RAB6B: variants seen among roughly 807,000 people sequenced by gnomAD.
RAB6B encodes RAB6B, member RAS oncogene family.
RAB6B carries 7 observed loss-of-function variants against 31.2 expected under a neutral mutation model. The ratio of observed to expected loss-of-function variants is 0.22; its 90% CI spans 0.13 to 0.42. RAB6B has a LOEUF of 0.42. Among genes scored for constraint, RAB6B ranks in the 10% least tolerant of loss-of-function variants. The pLI, the probability that RAB6B is intolerant of heterozygous loss-of-function variation, is 1.00. For missense variants in RAB6B, 149 were observed against 280.6 expected, an observed-to-expected ratio of 0.53 and a Z score of 3.35; for synonymous variants, 105 against 104.9, an observed-to-expected ratio of 1.00 and a Z score of -0.01.
Position 133,824,796 on chromosome 3 carries a change from T to A in RAB6B, c.*3992A>T, listed in dbSNP as rs967718405. On this transcript the variant is annotated 3_prime_UTR_variant, in exon 8 of 8. Coordinates refer to ENST00000285208, the MANE Select transcript of RAB6B (RefSeq NM_016577.4). ...TCCTAACCAAAAAGAGTAGAGATGG[T>A]CTGAGGAACACACCCACACACAGCA... 6.6e-6 allele frequency: 1 copy of A among 152,030 alleles called. No individual in the cohort carries two copies. Among genetic ancestry groups the A allele is most frequent in the African/African-American group, 2.4e-5 (1 of 41,382 alleles). 9.4% of individuals were successfully genotyped at this position (152,030 alleles called of 1,614,324 possible).
intron 2 of RAB6B, among the ~76,000 whole-genome samples, chr3:133,845,297 G>A (rs1184212630): frequency 6.6e-6 from 1 of 152,228 alleles, no homozygotes; most frequent in East Asian, 1.9e-4. Flanking sequence ...AAGTCATGAG[G>A]ACTCTGACCT....
chr3:133,893,209 G>A (rs1016076312), intron 1 of RAB6B, among the ~76,000 whole-genome samples: 2 of 152,202 alleles, frequency 1.3e-5, no homozygotes, highest in South Asian at 2.1e-4. Context: ...CTCTTGGGGA[G>A]GCTCCCCAGT....
intron 5 of RAB6B, 85 bp from the exon 6 acceptor site, chr3:133,838,344 G>A: frequency 7.9e-7 from 1 of 1,260,264 alleles, no homozygotes; most frequent in Non-Finnish European, 1.2e-6. Context: ...CAGCAGGGCA[G>A]AGGGAGCCCA....
chr3:133,864,686 G>C (rs748824734), intron 1 of RAB6B, 44 bp from the exon 2 acceptor site: 1 of 1,555,898 alleles, frequency 6.4e-7, no homozygotes, highest in Admixed American at 1.7e-5. Flanking sequence ...TGGCATCTGA[G>C]CTAGGCTCTT....
chr3:133,834,671 C>T, intron 6 of RAB6B, 30 bp from the exon 7 acceptor site: 1 of 1,607,214 alleles, frequency 6.2e-7, no homozygotes, highest in Non-Finnish European at 8.5e-7. Flanking sequence ...CAGTGTGAAC[C>T]CCAACCCTGG....
chr3:133,829,251 A>G (rs542687937), intron 7 of RAB6B, among the ~76,000 whole-genome samples: 147 of 152,306 alleles, frequency 9.7e-4, no homozygotes, highest in Non-Finnish European at 1.9e-3. Flanking sequence ...TTCACATCTC[A>G]AAGCACAGGG....
rs748174713 is a variant in RAB6B at position 133,828,763 on chromosome 3, T to C, written c.*25A>G. 3.8e-6 allele frequency: 6 copies of C among 1,587,008 alleles called. No homozygotes were observed. The highest frequency in any genetic ancestry group is 3.3e-5 in the South Asian group (3 of 90,452). On this transcript the variant is annotated 3_prime_UTR_variant, in exon 8 of 8. Coordinates refer to ENST00000285208, the MANE Select transcript of RAB6B (RefSeq NM_016577.4). The stretch of plus-strand genomic sequence containing the variant: ...GCAACACAACAAGCAAGGAGTGTCA[T>C]GGGAAGCCACAGGTCGGCTCTGCAT...
intron 5 of RAB6B, 23 bp downstream of exon 5, chr3:133,839,483 C>T (rs1279589896): frequency 1.9e-6 from 3 of 1,571,628 alleles, no homozygotes; most frequent in Non-Finnish European, 2.6e-6. Flanking sequence ...TGGCACCCTG[C>T]ACCTGTGTGC....
At chr3:133,888,116 C>T (rs139564142) in intron 1 of RAB6B, among the ~76,000 whole-genome samples, 12 of 152,352 alleles carry the variant, frequency 7.9e-5, no homozygotes, top group African/African-American at 2.9e-4. Flanking sequence ...CTGTCTCCTC[C>T]GCTCCAGTCC....
rs1383352580 is a variant in RAB6B at position 133,895,723 on chromosome 3, G to A, written c.-257C>T. On this transcript the variant is annotated 5_prime_UTR_variant, in exon 1 of 8. Transcript: ENST00000285208. ...GGCTGCTGCGGTCGGCACTGGCTGCGGTGCGAGGGGCGCGCTCTTTACGCC... is the reference window on the plus strand; with the variant it reads ...GGCTGCTGCGGTCGGCACTGGCTGCAGTGCGAGGGGCGCGCTCTTTACGCC... 4.0e-6 allele frequency: 2 copies of A among 497,426 alleles called. No individual in the cohort carries two copies. Among genetic ancestry groups the A allele is most frequent in the Non-Finnish European group, 3.5e-6 (1 of 285,864 alleles). 30.8% of individuals were successfully genotyped at this position (497,426 alleles called of 1,614,324 possible). A position where few individuals can be genotyped will look rare whatever the true frequency, so the allele number is the denominator to read the frequency against.
chr3:133,864,547 G>A, intron 2 of RAB6B, 37 bp downstream of exon 2: 1 of 1,598,862 alleles, frequency 6.3e-7, no homozygotes, highest in Non-Finnish European at 8.6e-7. Context: ...GTCAGCCACT[G>A]CCAGATGATA....
In RAB6B at chr3:133,841,658, G is replaced by A. The variant is rs1935832764; in HGVS notation, c.135C>T (p.Thr45=). 1.2e-6 allele frequency: 2 copies of A among 1,613,990 alleles called. No homozygotes were observed. Among genetic ancestry groups the A allele is most frequent in the East Asian group, 2.2e-5 (1 of 44,876 alleles). ...YDSFDNTYQA[T]IGIDFLSKTM... is the part of the protein sequence containing the mutation. The stretch of plus-strand genomic sequence containing the variant: ...TTTTTGACAAGAAGTCAATCCCAAT[G>A]GTTGCCTGTTAGAGAAAAGCACAGA... The change falls in exon 3 of 8, where the codon ACC becomes ACT. Residue 45 remains threonine (T), a synonymous_variant. Transcript: ENST00000285208.
At position 133,827,155 on chromosome 3, in the gene RAB6B, C is replaced by G. The variant is rs146832363; in HGVS notation, c.*1633G>C. The G allele has an allele frequency of 1.1e-4, 17 of 152,510 alleles. No homozygotes were observed. Among genetic ancestry groups the G allele is most frequent in the Admixed American group, 9.1e-4 (14 of 15,308 alleles). 9.4% of individuals were successfully genotyped at this position (152,510 alleles called of 1,614,324 possible). A position where few individuals can be genotyped will look rare whatever the true frequency, so the allele number is the denominator to read the frequency against. ...GCACAAATATCAGTCCTGCCAGATT[C>G]TGCTGCACTTACTGCCTGCCATTTC... On this transcript the variant is annotated 3_prime_UTR_variant, in exon 8 of 8. Transcript: ENST00000285208.
chr3:133,828,551 A>C lies in RAB6B; in HGVS notation c.*237T>G, dbSNP rs1177830796. The C allele has an allele frequency of 2.0e-6, 1 of 511,612 alleles. No homozygotes were observed. The highest frequency in any genetic ancestry group is 2.0e-5 in the African/African-American group (1 of 50,486). 31.7% of individuals were successfully genotyped at this position (511,612 alleles called of 1,614,324 possible). On this transcript the variant is annotated 3_prime_UTR_variant, in exon 8 of 8. Coordinates refer to ENST00000285208, the MANE Select transcript of RAB6B (RefSeq NM_016577.4). ...TTTAACAGTTTTTGGCAATCTTAAT[A>C]AAGTACAATATATTACAACCAAACC...
chr3:133,853,150 G>A (rs958138750), intron 2 of RAB6B, among the ~76,000 whole-genome samples: 1 of 152,092 alleles, frequency 6.6e-6, no homozygotes, highest in African/African-American at 2.4e-5. Flanking sequence ...AGCAACCTTG[G>A]TGATTTCCTG....
Position 133,895,469 on chromosome 3 carries a change from T to C in RAB6B, c.-3A>G, listed in dbSNP as rs1383245230. 1 of 1,610,748 alleles carries C rather than the reference T, an allele frequency of 6.2e-7. No individual in the cohort carries two copies. Among genetic ancestry groups the C allele is most frequent in the Non-Finnish European group, 8.5e-7 (1 of 1,178,598 alleles). ...CCAAAATCTCCCCCTGCGGACATGG[T>C]GCTGGCAGCCGGGGCCGGGAGAGGA... On this transcript the variant is annotated 5_prime_UTR_variant, in exon 1 of 8. Transcript: ENST00000285208.
intron 1 of RAB6B, among the ~76,000 whole-genome samples, chr3:133,891,256 C>A (rs1156341701): frequency 6.6e-6 from 1 of 152,220 alleles, no homozygotes; most frequent in Non-Finnish European, 1.5e-5. Flanking sequence ...AGCCCCAACT[C>A]AGTACCACCA....
At chr3:133,853,854 T>A (rs890283286) in intron 2 of RAB6B, among the ~76,000 whole-genome samples, 4 of 152,172 alleles carry the variant, frequency 2.6e-5, no homozygotes, top group African/African-American at 9.7e-5. Context: ...ACAAAGATTA[T>A]GAATTGTTAT....
intron 1 of RAB6B, among the ~76,000 whole-genome samples, chr3:133,880,429 A>C (rs1936450646): frequency 6.6e-6 from 1 of 152,230 alleles, no homozygotes; most frequent in African/African-American, 2.4e-5. Context: ...GTAACACCCA[A>C]CAGTGATGAC....
Sources: allele counts gnomAD v4.1 joint callset (sites outside exome capture counted in the v4.1 genomes callset), GRCh38; gene constraint gnomAD v4.1.1; transcripts MANE v1.5; gene names NCBI Gene and HGNC (gene_info 2026-07-23, HGNC 2026-07-21).